The following HDAC8 variants were observed in gnomAD, a reference collection of about 807,000 sequenced individuals.
HDAC8 encodes histone deacetylase-like 1.
HDAC8 carries 1 observed loss-of-function variant against 32.2 expected under a neutral mutation model. The observed-to-expected ratio is 0.03, with a 90% CI of 0.01 to 0.15. HDAC8 has a LOEUF of 0.15. HDAC8 is among the 10% of genes least tolerant of loss of function. The pLI, the probability that HDAC8 is intolerant of heterozygous loss-of-function variation, is 1.00. For missense variants in HDAC8, 117 were observed against 300.0 expected, an observed-to-expected ratio of 0.39 and a Z score of 4.51; for synonymous variants, 108 against 113.9, an observed-to-expected ratio of 0.95 and a Z score of 0.33.
At position 72,490,371 on chromosome X, in the gene HDAC8, A is replaced by C. The variant is rs1477623241; in HGVS notation, c.628+558T>G. ...ACCAACCCAAATGTCCAACAATGAT[A>C]GACTGGATTAAGAAAATGTGGCACA... On this transcript the variant is annotated intron_variant, in intron 6 of 10. Transcript: ENST00000373573. Among the ~76,000 whole-genome samples the C allele has an allele frequency of 4.6e-5, 5 of 108,446 alleles. No individual in the cohort carries two copies. The South Asian group carries it at 1.3e-3, about 28-fold the overall frequency. 94.2% of individuals were successfully genotyped at this position (108,446 alleles called of 115,157 possible).
rs1487283782 is a variant in HDAC8, at chrX:72,330,080, C to T, written c.1112-4G>A. ...TAGACCACATGCTTCAGATTCCCTG[C>T]AAACAGGGGAGAAAACAAAATTCAA... On this transcript the variant is annotated splice_region_variant and splice_polypyrimidine_tract_variant and intron_variant, in intron 10 of 10. Coordinates refer to ENST00000373573, the MANE Select transcript of HDAC8 (RefSeq NM_018486.3). The T allele has an allele frequency of 1.7e-5, 20 of 1,201,578 alleles. No individual in the cohort carries two copies. Among genetic ancestry groups the T allele is most frequent in the Non-Finnish European group, 2.3e-5 (20 of 887,638 alleles).
intron 9 of HDAC8, among the ~76,000 whole-genome samples, chrX:72,390,009 CTT>C (rs1395041063): frequency 9.0e-6 from 1 of 111,059 alleles, no homozygotes; most frequent in Admixed American, 9.5e-5. Context: ...TGTGATATTT[CTT>C]TTTTCCCTTA....
intron 4 of HDAC8, among the ~76,000 whole-genome samples, chrX:72,545,510 G>T (rs1371405801): frequency 8.9e-6 from 1 of 111,983 alleles, no homozygotes; most frequent in East Asian, 2.8e-4. Flanking sequence ...GGTAGTAATT[G>T]ATGGAGCTGG....
chrX:72,382,881 T>A (rs1555960224), intron 9 of HDAC8, among the ~76,000 whole-genome samples: 1 of 112,234 alleles, frequency 8.9e-6, no homozygotes, highest in African/African-American at 3.2e-5. Context: ...GTGAATTTTG[T>A]GATATGAGAA....
intron 9 of HDAC8, among the ~76,000 whole-genome samples, chrX:72,444,075 A>G (rs1237439547): frequency 9.1e-6 from 1 of 110,226 alleles, no homozygotes; most frequent in African/African-American, 3.3e-5. Flanking sequence ...GTCCAGGACC[A>G]GATGGATTCA....
chrX:72,444,486 C>A (rs188525764), intron 9 of HDAC8, among the ~76,000 whole-genome samples: 1 of 110,720 alleles, frequency 9.0e-6, no homozygotes, highest in Non-Finnish European at 1.9e-5. Context: ...TAATTCAACA[C>A]CCTTCATGCT....
intron 9 of HDAC8, among the ~76,000 whole-genome samples, chrX:72,389,444 G>C (rs960262732): frequency 2.7e-5 from 3 of 111,971 alleles, no homozygotes; most frequent in Non-Finnish European, 5.6e-5. Context: ...AGCAAGATCT[G>C]GGTTCAAAAT....
chrX:72,489,579 T>C (rs184870663), intron 6 of HDAC8, among the ~76,000 whole-genome samples: 2,227 of 110,267 alleles, frequency 0.02, 63 homozygotes, highest in African/African-American at 0.07. Flanking sequence ...ATCCCTTCCT[T>C]ACACCTTATA....
chrX:72,509,571 T>C (rs923571708), intron 4 of HDAC8, among the ~76,000 whole-genome samples: 3 of 111,841 alleles, frequency 2.7e-5, no homozygotes, highest in Non-Finnish European at 5.6e-5. Flanking sequence ...GGAAATCATG[T>C]GACAACAGGG....
intron 10 of HDAC8, among the ~76,000 whole-genome samples, chrX:72,349,087 T>A (rs1287745379): frequency 8.9e-6 from 1 of 112,694 alleles, no homozygotes; most frequent in African/African-American, 3.2e-5. Context: ...CTTCCTTCTA[T>A]TGAATGAAAA....
chrX:72,368,046 G>A (rs571564697), intron 9 of HDAC8, among the ~76,000 whole-genome samples: 1 of 113,208 alleles, frequency 8.8e-6, no homozygotes, highest in South Asian at 3.6e-4. Flanking sequence ...GCACAAAAGC[G>A]GGGCAGGGAA....
At chrX:72,533,077 G>A (rs2050403655) in intron 4 of HDAC8, among the ~76,000 whole-genome samples, 1 of 111,542 alleles carries the variant, frequency 9.0e-6, no homozygotes, top group Non-Finnish European at 1.9e-5. Context: ...CTCTTTTGAA[G>A]GTGGTTATCA....
In HDAC8 at chrX:72,568,741, G is replaced by A. The variant is rs138424378; in HGVS notation, c.295+13C>T. 51 of 1,209,268 alleles carry A rather than the reference G, an allele frequency of 4.2e-5. No homozygotes were observed. The African/African-American group carries it at 5.1e-4, about 12-fold the overall frequency. On this transcript the variant is annotated intron_variant, in intron 3 of 10. Transcript: ENST00000373573. ...TCTGTCCATCTCCCATCACTGCCTG[G>A]TAATGACTTTACCTAGCCCATATTC... is the stretch of plus-strand genomic sequence containing the variant.
chrX:72,463,711 T>C (rs1169137515), intron 8 of HDAC8, among the ~76,000 whole-genome samples: 1 of 112,264 alleles, frequency 8.9e-6, no homozygotes, highest in Non-Finnish European at 1.9e-5. Context: ...AAGGCTTGTG[T>C]ACTTGTGTTG....
At chrX:72,408,250 A>C (rs2046098817) in intron 9 of HDAC8, among the ~76,000 whole-genome samples, 1 of 111,548 alleles carries the variant, frequency 9.0e-6, no homozygotes, top group Non-Finnish European at 1.9e-5. Context: ...AAATTGAAAA[A>C]GAGTGATTGG....
At chrX:72,462,700 G>A (rs782779586) in intron 8 of HDAC8, among the ~76,000 whole-genome samples, 15 of 111,495 alleles carry the variant, frequency 1.3e-4, no homozygotes, top group African/African-American at 4.2e-4. Flanking sequence ...GACCCATCTC[G>A]TCAGGTCCTG....
intron 9 of HDAC8, among the ~76,000 whole-genome samples, chrX:72,413,831 T>C (rs1375706626): frequency 1.8e-5 from 2 of 112,202 alleles, no homozygotes; most frequent in Non-Finnish European, 3.8e-5. Flanking sequence ...ACTGAGTCAA[T>C]GAAACCTCTT....
chrX:72,411,034 T>C (rs782189730), intron 9 of HDAC8, among the ~76,000 whole-genome samples: 14 of 103,927 alleles, frequency 1.3e-4, no homozygotes, highest in Admixed American at 1.2e-3. Context: ...TTCTTTCTTT[T>C]TTTTTTTTTT....
intron 10 of HDAC8, among the ~76,000 whole-genome samples, chrX:72,331,640 A>G (rs555276062): frequency 9.0e-6 from 1 of 111,450 alleles, no homozygotes; most frequent in Non-Finnish European, 1.9e-5. Context: ...TGCAAAAAAA[A>G]AATAGTGCAG....
Sources: gnomAD v4.1 joint callset for allele counts (sites outside exome capture counted in the v4.1 genomes callset) on GRCh38, gnomAD v4.1.1 for gene constraint, MANE v1.5 for transcripts, NCBI Gene and HGNC (gene_info 2026-07-23, HGNC 2026-07-21) for gene names.